Variants in MFSD6 observed in about 807,000 individuals in gnomAD.
The protein encoded by MFSD6 is major facilitator superfamily domain-containing protein 6.
In MFSD6, 26 loss-of-function variants were observed where a neutral mutation model predicts 56.3. The ratio of observed to expected loss-of-function variants is 0.46; its 90% CI spans 0.34 to 0.64. The LOEUF (loss-of-function observed/expected upper bound fraction) is 0.64. MFSD6 is among the 30% of genes least tolerant of loss of function. MFSD6 has a pLI of 0.01. For missense variants in MFSD6, 750 were observed against 986.2 expected (o/e 0.76, Z 3.21); for synonymous variants, 331 against 366.9 (o/e 0.90, Z 1.12).
At position 190,492,705 on chromosome 2, in the gene MFSD6, CATAA is replaced by C. The variant is rs1398364326; in HGVS notation, c.1891+2845_1891+2848del. Among the ~76,000 whole-genome samples, 1 of 152,088 alleles carries C rather than the reference CATAA, an allele frequency of 6.6e-6. No homozygotes were observed. Among genetic ancestry groups the C allele is most frequent in the Non-Finnish European group, 1.5e-5 (1 of 68,010 alleles). ...TTTTGTATCCAGTGAAACTAAGCTTCATAAATAAAGGAAAGATACAGTCTTTTTC... is the reference window on the plus strand; with the variant it reads ...TTTTGTATCCAGTGAAACTAAGCTTCATAAAGGAAAGATACAGTCTTTTTC... On this transcript the variant is annotated intron_variant, in intron 6 of 7. Coordinates refer to ENST00000392328, the MANE Select transcript of MFSD6 (RefSeq NM_017694.4). This position sits in a 1 kb window ranked among gnomAD's most constrained non-coding sequence, Gnocchi z 5.2.
intron 2 of MFSD6, among the ~76,000 whole-genome samples, chr2:190,428,976 A>G (rs898475204): frequency 5.9e-5 from 9 of 152,026 alleles, no homozygotes; most frequent in African/African-American, 9.7e-5. Flanking sequence ...CCCAGCCTCA[A>G]TCTTTTTTAT....
rs1689128392 is a variant in MFSD6 at position 190,488,198 on chromosome 2, G to A, written c.1631-459G>A. Among the ~76,000 whole-genome samples, 1 of 152,220 alleles carries A rather than the reference G, an allele frequency of 6.6e-6. No individual in the cohort carries two copies. The stretch of plus-strand genomic sequence containing the variant: ...TTACAGGCGTGAGCCACTGCGCCCA[G>A]CCACTCAAAAGAATTTAAATCAAAG... On this transcript the variant is annotated intron_variant, in intron 4 of 7. Coordinates refer to ENST00000392328, the MANE Select transcript of MFSD6 (RefSeq NM_017694.4). The surrounding 1 kb of genome is among the most constrained non-coding windows in gnomAD (Gnocchi z 6.4).
rs1690796164 is a variant in MFSD6 at position 190,416,824 on chromosome 2, C to T, written c.-54+1411C>T. Reference sequence around the variant, plus strand: ...ACTTAAGTTTGTATGGAAAAGGAGGCTTAAAGAGGCACTGATTTATCAAAG... The same window carrying T: ...ACTTAAGTTTGTATGGAAAAGGAGGTTTAAAGAGGCACTGATTTATCAAAG... On this transcript the variant is annotated intron_variant, in intron 2 of 7. Coordinates refer to ENST00000392328, the MANE Select transcript of MFSD6 (RefSeq NM_017694.4). The surrounding 1 kb of genome is among the most constrained non-coding windows in gnomAD (Gnocchi z 4.1). 6.6e-6 allele frequency among the ~76,000 whole-genome samples: 1 copy of T among 152,060 alleles called. No homozygotes were observed. Among genetic ancestry groups the T allele is most frequent in the Non-Finnish European group, 1.5e-5 (1 of 68,004 alleles).
At position 190,456,171 on chromosome 2, in the gene MFSD6, C is replaced by T. The variant is rs546189706; in HGVS notation, c.1533-13587C>T. ...GGTCAGGCTGGTCTCAAACTCCTGACCTCAGGTGATCTACCCGCCTCAGCC... is the reference window on the plus strand; with the variant it reads ...GGTCAGGCTGGTCTCAAACTCCTGATCTCAGGTGATCTACCCGCCTCAGCC... On this transcript the variant is annotated intron_variant, in intron 3 of 7. Transcript: ENST00000392328. The surrounding 1 kb of genome is among the most constrained non-coding windows in gnomAD (Gnocchi z 5.4). Among the ~76,000 whole-genome samples the T allele has an allele frequency of 7.2e-5, 11 of 152,024 alleles. No individual in the cohort carries two copies. The highest frequency in any genetic ancestry group is 2.0e-4 in the Admixed American group (3 of 15,278).
rs985895345 is a variant in MFSD6 at position 190,454,836 on chromosome 2, A to G, written c.1533-14922A>G. ...TCTAAGAGTCAGAAGACACTAGAAT[A>G]GGGACCTATGGCCTAACATAGTGGG... is the stretch of plus-strand genomic sequence containing the variant. On this transcript the variant is annotated intron_variant, in intron 3 of 7. Transcript: ENST00000392328. The surrounding 1 kb of genome is among the most constrained non-coding windows in gnomAD (Gnocchi z 4.6). Among the ~76,000 whole-genome samples the G allele has an allele frequency of 6.6e-6, 1 of 152,164 alleles. No individual in the cohort carries two copies. The highest frequency in any genetic ancestry group is 2.4e-5 in the African/African-American group (1 of 41,432).
At chr2:190,409,545 T>G (rs766777936) in intron 1 of MFSD6, among the ~76,000 whole-genome samples, 32 of 152,188 alleles carry the variant, frequency 2.1e-4, no homozygotes, top group Non-Finnish European at 3.8e-4. Context: ...AGAGGATGGT[T>G]GGATATTATA....
In MFSD6 at chr2:190,463,456, C is replaced by G. The variant is rs540720024; in HGVS notation, c.1533-6302C>G. On this transcript the variant is annotated intron_variant, in intron 3 of 7. Coordinates refer to ENST00000392328, the MANE Select transcript of MFSD6 (RefSeq NM_017694.4). The surrounding 1 kb of genome is among the most constrained non-coding windows in gnomAD (Gnocchi z 4.4). The stretch of plus-strand genomic sequence containing the variant: ...CAGCTGATGTCTGCCACTCTGCCTA[C>G]TCTAGGAAGACATCTATAACAATTC... Among the ~76,000 whole-genome samples the G allele has an allele frequency of 1.3e-4, 20 of 152,198 alleles. No homozygotes were observed. The highest frequency in any genetic ancestry group is 1.9e-4 in the Non-Finnish European group (13 of 68,022).
At chr2:190,481,441 G>A (rs1471051534) in intron 4 of MFSD6, among the ~76,000 whole-genome samples, 2 of 151,954 alleles carry the variant, frequency 1.3e-5, no homozygotes, top group East Asian at 1.9e-4. Flanking sequence ...TGCTTTCTTC[G>A]TCATATCCCA....
At chr2:190,455,934 CTTTTTTTTTTTTTT>C (rs34054506) in intron 3 of MFSD6, among the ~76,000 whole-genome samples, 1 of 65,370 alleles carries the variant, frequency 1.5e-5, no homozygotes, top group Non-Finnish European at 2.5e-5. Flanking sequence ...ATTTACTCTG[CTTTTTTTTTTTTTT>C]TTTTTTTTTT....
intron 4 of MFSD6, among the ~76,000 whole-genome samples, chr2:190,483,058 A>AT (rs1162512314): frequency 6.7e-6 from 1 of 149,516 alleles, no homozygotes; most frequent in Non-Finnish European, 1.5e-5. Flanking sequence ...CGCCCGGCTA[A>AT]TTTTTTTGTA....
Position 190,438,482 on chromosome 2 carries a change from C to T in MFSD6, c.1532+921C>T, listed in dbSNP as rs1193652324. Among the ~76,000 whole-genome samples the T allele has an allele frequency of 6.6e-6, 1 of 152,210 alleles. No homozygotes were observed. The highest frequency in any genetic ancestry group is 1.5e-5 in the Non-Finnish European group (1 of 68,040). On this transcript the variant is annotated intron_variant, in intron 3 of 7. Coordinates refer to ENST00000392328, the MANE Select transcript of MFSD6 (RefSeq NM_017694.4). This position sits in a 1 kb window ranked among gnomAD's most constrained non-coding sequence, Gnocchi z 5.2. ...AGTGAGTCAAGATCACACCACTGCA[C>T]ACCAGCCTGGGCAACAGAGTGAGAC...
At chr2:190,407,923 T>C (rs1690365850), upstream of MFSD6, among the ~76,000 whole-genome samples, 1 of 152,214 alleles carries the variant, frequency 6.6e-6, no homozygotes, top group South Asian at 2.1e-4. This position sits in a 1 kb window ranked among gnomAD's most constrained non-coding sequence, Gnocchi z 5.4. Flanking sequence ...CCACATTTCC[T>C]GGCCCGCACT....
At position 190,434,882 on chromosome 2, in the gene MFSD6, G is replaced by A. The variant is rs1446172817; in HGVS notation, c.-53-1095G>A. ...TTAGGAATTGGGCTGCACAGCAAGA[G>A]CGGGCCAGCAAGCATTATCACATGA... On this transcript the variant is annotated intron_variant, in intron 2 of 7. Transcript: ENST00000392328. The surrounding 1 kb of genome is among the most constrained non-coding windows in gnomAD (Gnocchi z 4.3). Among the ~76,000 whole-genome samples the A allele has an allele frequency of 6.6e-6, 1 of 152,222 alleles. No homozygotes were observed. The highest frequency in any genetic ancestry group is 1.5e-5 in the Non-Finnish European group (1 of 68,028).
chr2:190,409,733 T>C (rs1221037320), intron 1 of MFSD6, among the ~76,000 whole-genome samples: 1 of 152,154 alleles, frequency 6.6e-6, no homozygotes, highest in Non-Finnish European at 1.5e-5. Flanking sequence ...CAGCTAAAAG[T>C]GTATGCATCT....
rs1690903437 is a variant in MFSD6 at position 190,418,985 on chromosome 2, T to G, written c.-54+3572T>G. ...ATTTGGCTTTGCCATAAAGGAACCA[T>G]GTCACAATACCCTGAAAGGAAGAGG... On this transcript the variant is annotated intron_variant, in intron 2 of 7. Coordinates refer to ENST00000392328, the MANE Select transcript of MFSD6 (RefSeq NM_017694.4). This position sits in a 1 kb window ranked among gnomAD's most constrained non-coding sequence, Gnocchi z 4.1. Among the ~76,000 whole-genome samples the G allele has an allele frequency of 6.6e-6, 1 of 152,244 alleles. No individual in the cohort carries two copies. Among genetic ancestry groups the G allele is most frequent in the Non-Finnish European group, 1.5e-5 (1 of 68,030 alleles).
At chr2:190,414,496 A>G (rs988812243) in intron 1 of MFSD6, among the ~76,000 whole-genome samples, 3 of 152,150 alleles carry the variant, frequency 2.0e-5, no homozygotes, top group Non-Finnish European at 4.4e-5. Context: ...ACACATTTCA[A>G]TTTTATTTTC....
rs1338575461 is a variant in MFSD6 at position 190,437,060 on chromosome 2, T to C, written c.1031T>C (p.Ile344Thr). The change falls in exon 3 of 8, where the codon ATC becomes ACC. Residue 344 changes from isoleucine to threonine, a missense_variant. Coordinates refer to ENST00000392328, the MANE Select transcript of MFSD6 (RefSeq NM_017694.4). This position sits in a 1 kb window ranked among gnomAD's most constrained non-coding sequence, Gnocchi z 5.9. Reference sequence around the variant, plus strand: ...GGCCTGGCGATGCTGTCTGTGGGCATCGGGATCGACTACACCCACATCGAA... The same window carrying C: ...GGCCTGGCGATGCTGTCTGTGGGCACCGGGATCGACTACACCCACATCGAA... Reference protein sequence around the residue: ...GWGLAMLSVGIGIDYTHIEVL... With the variant: ...GWGLAMLSVGTGIDYTHIEVL... 6.2e-7 allele frequency: 1 copy of C among 1,614,180 alleles called. No homozygotes were observed. The highest frequency in any genetic ancestry group is 8.5e-7 in the Non-Finnish European group (1 of 1,180,038).
rs112331458 is a variant in MFSD6 at position 190,471,840 on chromosome 2, C to T, written c.1630+1985C>T. On this transcript the variant is annotated intron_variant, in intron 4 of 7. Transcript: ENST00000392328. The surrounding 1 kb of genome is among the most constrained non-coding windows in gnomAD (Gnocchi z 4.7). ...AGTAGCCTAACTGGGAGGCACCCCCCAGTAGGGGCAGACTGATAACTCATA... is the reference window on the plus strand; with the variant it reads ...AGTAGCCTAACTGGGAGGCACCCCCTAGTAGGGGCAGACTGATAACTCATA... 1.3e-5 allele frequency among the ~76,000 whole-genome samples: 2 copies of T among 152,220 alleles called. No individual in the cohort carries two copies. The highest frequency in any genetic ancestry group is 2.4e-5 in the African/African-American group (1 of 41,450).
rs1427327626 is a variant in MFSD6, at chr2:190,437,864, A to C, written c.1532+303A>C. On this transcript the variant is annotated intron_variant, in intron 3 of 7. Transcript: ENST00000392328. The surrounding 1 kb of genome is among the most constrained non-coding windows in gnomAD (Gnocchi z 5.9). ...ACTCTCACAGTACATGTTTTCAGGT[A>C]TAGGAACACCAGCTTAGTGAACATA... 6.6e-6 allele frequency among the ~76,000 whole-genome samples: 1 copy of C among 152,232 alleles called. No individual in the cohort carries two copies. Among genetic ancestry groups the C allele is most frequent in the African/African-American group, 2.4e-5 (1 of 41,458 alleles).
Sources: gnomAD v4.1 joint callset for allele counts (sites outside exome capture counted in the v4.1 genomes callset) on GRCh38, gnomAD v4.1.1 for gene constraint, Gnocchi (gnomAD v3.1) non-coding constraint, MANE v1.5 for transcripts, NCBI Gene and HGNC (gene_info 2026-07-23, HGNC 2026-07-21) for gene names.